REEP3: variants seen among roughly 807,000 people sequenced by gnomAD.
The protein encoded by REEP3 is receptor accessory protein 3.
In REEP3, 20 loss-of-function variants were observed where a neutral mutation model predicts 41.3. That is an observed-to-expected ratio of 0.48 (90% CI 0.34 to 0.70). The LOEUF (loss-of-function observed/expected upper bound fraction) is 0.70. Ranked by LOEUF, REEP3 falls within the 30% of genes least tolerant of loss-of-function variation. The pLI is 0.01. For synonymous variants in REEP3, 104 were observed against 101.8 expected, an observed-to-expected ratio of 1.02 and a Z score of -0.13; for missense variants, 271 against 308.8, an observed-to-expected ratio of 0.88 and a Z score of 0.92.
intron 1 of REEP3, among the ~76,000 whole-genome samples, chr10:63,522,803 A>G (rs2133328667): frequency 6.6e-6 from 1 of 152,338 alleles, no homozygotes; most frequent in South Asian, 2.1e-4. Context: ...TTAAAGCCTC[A>G]GAGCTTCCTG....
At chr10:63,562,180 A>C (rs533874420) in intron 1 of REEP3, among the ~76,000 whole-genome samples, 1 of 151,834 alleles carries the variant, frequency 6.6e-6, no homozygotes, top group Non-Finnish European at 1.5e-5. Flanking sequence ...ACAGCTAAAA[A>C]TCCTGTATCC....
At chr10:63,601,685 G>A (rs369436370) in intron 5 of REEP3, among the ~76,000 whole-genome samples, 81 of 152,274 alleles carry the variant, frequency 5.3e-4, no homozygotes, top group Middle Eastern at 3.4e-3. Flanking sequence ...TTGGGAGGCC[G>A]AGGTAGGTGG....
At chr10:63,578,878 G>A (rs1666684858) in intron 2 of REEP3, among the ~76,000 whole-genome samples, 1 of 152,052 alleles carries the variant, frequency 6.6e-6, no homozygotes, top group South Asian at 2.1e-4. Flanking sequence ...GAATTCATGT[G>A]TGCTTACTTA....
rs1956364915 is a variant in REEP3, at chr10:63,622,819, G to T, written c.*1950G>T. On this transcript the variant is annotated 3_prime_UTR_variant, in exon 8 of 8. Transcript: ENST00000373758. ...CCTCCCGGGTTCGAGCGATTCTCCT[G>T]CCTCGGCCTCCCGAGTAACTGGGTC... 1 of 148,652 alleles carries T rather than the reference G, an allele frequency of 6.7e-6. No homozygotes were observed. The highest frequency in any genetic ancestry group is 2.1e-4 in the South Asian group (1 of 4,766). The allele number at this position is 148,652 out of a possible 1,614,324, so 9.2% of individuals were successfully genotyped here.
intron 6 of REEP3, among the ~76,000 whole-genome samples, chr10:63,619,337 C>G (rs1956335230): frequency 6.6e-6 from 1 of 152,102 alleles, no homozygotes; most frequent in African/African-American, 2.4e-5. Context: ...TGCTCTATAT[C>G]TATTTATATT....
chr10:63,588,594 A>C (rs1956029093), intron 2 of REEP3, among the ~76,000 whole-genome samples: 1 of 152,180 alleles, frequency 6.6e-6, no homozygotes, highest in Non-Finnish European at 1.5e-5. Flanking sequence ...ATCAACATAC[A>C]TTTATTTACA....
At chr10:63,608,843 C>A (rs1444792468) in intron 5 of REEP3, among the ~76,000 whole-genome samples, 1 of 152,120 alleles carries the variant, frequency 6.6e-6, no homozygotes. Flanking sequence ...TAGCCACTAG[C>A]CACACACAGC....
intron 5 of REEP3, among the ~76,000 whole-genome samples, chr10:63,602,343 G>A (rs958899592): frequency 4.6e-5 from 7 of 152,242 alleles, no homozygotes; most frequent in African/African-American, 1.4e-4. Flanking sequence ...CATCGGCAGC[G>A]GATGAAGAGG....
intron 2 of REEP3, among the ~76,000 whole-genome samples, chr10:63,592,439 G>GT (rs1414458487): frequency 1.3e-5 from 2 of 152,016 alleles, no homozygotes; most frequent in Non-Finnish European, 2.9e-5. Flanking sequence ...AGGGTTTTTT[G>GT]TTTTTTGTTT....
intron 3 of REEP3, among the ~76,000 whole-genome samples, chr10:63,596,758 G>A (rs1956118673): frequency 6.6e-6 from 1 of 152,160 alleles, no homozygotes; most frequent in Non-Finnish European, 1.5e-5. Flanking sequence ...CTTTGCTGGG[G>A]TCAGGTCACT....
rs1466605558 is a variant in REEP3, at chr10:63,620,813, G to A, written c.712G>A (p.Val238Met). Residue 238 changes from valine to methionine, a missense_variant and splice_region_variant, in exon 8 of 8, where the codon GTG becomes ATG. Physicochemically the swap from Val to Met is conservative, Grantham distance 21. Coordinates refer to ENST00000373758, the MANE Select transcript of REEP3 (RefSeq NM_001001330.3). ...AATAATAAAACATTTCTCTCTTCAG[G>A]TGCGGTACGGGTCACTAAAATACAA... ...SVKTTKGRKE[V>M]RYGSLKYKVK... 2.5e-6 allele frequency: 4 copies of A among 1,596,714 alleles called. No individual in the cohort carries two copies. Among genetic ancestry groups the A allele is most frequent in the South Asian group, 2.2e-5 (2 of 88,976 alleles).
intron 1 of REEP3, among the ~76,000 whole-genome samples, chr10:63,532,694 T>C (rs1955434656): frequency 6.8e-6 from 1 of 146,942 alleles, no homozygotes; most frequent in Non-Finnish European, 1.5e-5. Context: ...ATTCAGGAGT[T>C]CCACACCAGC....
intron 5 of REEP3, among the ~76,000 whole-genome samples, chr10:63,602,999 T>G (rs1330885635): frequency 6.6e-6 from 1 of 152,096 alleles, no homozygotes; most frequent in African/African-American, 2.4e-5. Flanking sequence ...CTGAAAATTT[T>G]ATTTCACCTC....
chr10:63,559,723 T>C (rs59206695), intron 1 of REEP3, among the ~76,000 whole-genome samples: 5,608 of 152,288 alleles, frequency 0.037, 337 homozygotes, highest in East Asian at 0.28. Context: ...CTAGTTGTTG[T>C]TGTGAAAATC....
chr10:63,565,333 A>C (rs1955787914), intron 1 of REEP3, among the ~76,000 whole-genome samples: 2 of 152,236 alleles, frequency 1.3e-5, no homozygotes. Context: ...GTGCCATATT[A>C]TGTGAAAATA....
At chr10:63,557,717 AT>A (rs935974820) in intron 1 of REEP3, among the ~76,000 whole-genome samples, 3 of 152,092 alleles carry the variant, frequency 2.0e-5, no homozygotes, top group Admixed American at 6.6e-5. Flanking sequence ...TGATTTGAGA[AT>A]TTTTTTTCCA....
intron 1 of REEP3, among the ~76,000 whole-genome samples, chr10:63,535,845 A>C (rs557970018): frequency 2.0e-5 from 3 of 152,232 alleles, no homozygotes; most frequent in Admixed American, 2.0e-4. Context: ...TAAATCGTAA[A>C]TGTATTATCT....
chr10:63,526,892 C>T (rs749008634), intron 1 of REEP3, among the ~76,000 whole-genome samples: 3 of 151,968 alleles, frequency 2.0e-5, no homozygotes, highest in East Asian at 1.9e-4. Flanking sequence ...TAATATAGTT[C>T]GCCTTCTTTG....
intron 7 of REEP3, among the ~76,000 whole-genome samples, chr10:63,620,134 T>C (rs770929509): frequency 2.6e-5 from 4 of 151,848 alleles, no homozygotes; most frequent in Non-Finnish European, 4.4e-5. Flanking sequence ...GGTTTCACCA[T>C]GTTGCCCAGG....
Sources: allele counts gnomAD v4.1 joint callset (sites outside exome capture counted in the v4.1 genomes callset), GRCh38; gene constraint gnomAD v4.1.1; transcripts MANE v1.5; gene names NCBI Gene and HGNC (gene_info 2026-07-23, HGNC 2026-07-21).